The following TP53BP2 variants were observed in gnomAD, a reference collection of about 807,000 sequenced individuals.
TP53BP2 encodes the protein apoptosis-stimulating of p53 protein 2.
TP53BP2 carries 62 observed loss-of-function variants against 126.2 expected under a neutral mutation model. The ratio of observed to expected loss-of-function variants is 0.49; its 90% CI spans 0.40 to 0.61. TP53BP2 has a LOEUF of 0.61. TP53BP2 is among the 20% of genes least tolerant of loss of function. The pLI is 0.00. For missense variants in TP53BP2, 1,215 were observed against 1,402.8 expected, an observed-to-expected ratio of 0.87 and a Z score of 2.14; for synonymous variants, 485 against 502.9, an observed-to-expected ratio of 0.96 and a Z score of 0.48.
rs926485381 is a variant in TP53BP2 at position 223,802,524 on chromosome 1, A to G, written c.997-180T>C. The G allele has an allele frequency of 4.7e-6, 4 of 850,094 alleles. No homozygotes were observed. The East Asian group carries it at 7.9e-5, about 17-fold the overall frequency. 52.7% of individuals were successfully genotyped at this position (850,094 alleles called of 1,614,324 possible). Reference sequence around the variant, plus strand: ...AATGAACTCTCACCCACACTTTATTACAAGTATTAGAGACAAACAGAGCTA... The same window carrying G: ...AATGAACTCTCACCCACACTTTATTGCAAGTATTAGAGACAAACAGAGCTA... On this transcript the variant is annotated intron_variant, in intron 8 of 17. Coordinates refer to ENST00000343537, the MANE Select transcript of TP53BP2 (RefSeq NM_001031685.3).
At chr1:223,805,895 GCAGC>G (rs1322206307) in intron 5 of TP53BP2, among the ~76,000 whole-genome samples, 1 of 152,170 alleles carries the variant, frequency 6.6e-6, no homozygotes, top group Non-Finnish European at 1.5e-5. Context: ...TGCAACAGAG[GCAGC>G]AAAGTTTGCA....
chr1:223,792,870 A>C (rs1350730043), intron 14 of TP53BP2, among the ~76,000 whole-genome samples: 1 of 151,942 alleles, frequency 6.6e-6, no homozygotes, highest in African/African-American at 2.4e-5. Flanking sequence ...AAGCAAAAAA[A>C]AAAAAAGGTC....
Position 223,796,423 on chromosome 1 carries a change from T to G in TP53BP2, c.2116A>C (p.Thr706Pro). 1 of 1,614,178 alleles carries G rather than the reference T, an allele frequency of 6.2e-7. No individual in the cohort carries two copies. Among genetic ancestry groups the G allele is most frequent in the Non-Finnish European group, 8.5e-7 (1 of 1,180,016 alleles). The part of the protein sequence containing the change: ...NERIPRPLSP[T>P]KLLPFLSNPY... Reference sequence around the variant, plus strand: ...TTAGATAAGAAAGGCAGTAATTTAGTTGGGCTGAGTGGCCGAGGAATTCTT... The same window carrying G: ...TTAGATAAGAAAGGCAGTAATTTAGGTGGGCTGAGTGGCCGAGGAATTCTT... Residue 706 changes from threonine (T) to proline (P), a missense_variant, in exon 13 of 18, where the codon ACT (threonine) becomes CCT (proline). Thr to Pro is a conservative substitution (Grantham distance 38). Around this residue, in one of 4 missense-constraint regions of TP53BP2, gnomAD observed 46 missense variants for 93.0 expected, o/e 0.49. Transcript: ENST00000343537. This position sits in a 1 kb window ranked among gnomAD's most constrained non-coding sequence, Gnocchi z 4.2.
At chr1:223,815,008 A>G (rs796649164) in intron 2 of TP53BP2, among the ~76,000 whole-genome samples, 23 of 152,334 alleles carry the variant, frequency 1.5e-4, no homozygotes, top group African/African-American at 4.6e-4. Flanking sequence ...GAGAAACAAT[A>G]TATCTCAAGC....
intron 13 of TP53BP2, among the ~76,000 whole-genome samples, chr1:223,794,334 G>T (rs560979422): frequency 6.6e-5 from 10 of 152,130 alleles, no homozygotes; most frequent in African/African-American, 2.4e-4. Context: ...AACATTAAGC[G>T]ACAATACATT....
intron 4 of TP53BP2, 100 bp downstream of exon 4, chr1:223,810,331 C>A: frequency 1.2e-6 from 1 of 854,280 alleles, no homozygotes. Flanking sequence ...AAGCGGCCAT[C>A]CTTAGCCCAT....
rs775049205 is a variant in TP53BP2, at chr1:223,802,855, T to A, written c.872A>T (p.Gln291Leu). 6.2e-7 allele frequency: 1 copy of A among 1,614,236 alleles called. No individual in the cohort carries two copies. The highest frequency in any genetic ancestry group is 2.2e-5 in the East Asian group (1 of 44,890). ...CTTATTCAAACACTCCCTCTGTTGT[T>A]GTAGCTTGGCATTCTGCTCTTGATT... is the stretch of plus-strand genomic sequence containing the variant. ...KLNQEQNAKL[Q>L]QQRECLNKRN... The change falls in exon 8 of 18, where the codon CAA becomes CTA. Residue 291 changes from glutamine to leucine, a missense_variant. By Grantham distance (113) the Gln-to-Leu change is moderately radical (BLOSUM62 -2). Coordinates refer to ENST00000343537, the MANE Select transcript of TP53BP2 (RefSeq NM_001031685.3).
At chr1:223,800,546 T>C (rs1662493504) in intron 10 of TP53BP2, among the ~76,000 whole-genome samples, 154 bp downstream of exon 10, 1 of 152,008 alleles carries the variant, frequency 6.6e-6, no homozygotes, top group African/African-American at 2.4e-5. Flanking sequence ...AGCGCACCAC[T>C]GCACTCCAGC....
At chr1:223,833,397 T>A (rs2102885935) in intron 1 of TP53BP2, among the ~76,000 whole-genome samples, 1 of 152,304 alleles carries the variant, frequency 6.6e-6, no homozygotes, top group Middle Eastern at 3.4e-3. Flanking sequence ...TAACGTGAAG[T>A]CTCAATATCA....
At chr1:223,835,149 C>T (rs1394071622) in intron 1 of TP53BP2, among the ~76,000 whole-genome samples, 1 of 152,190 alleles carries the variant, frequency 6.6e-6, no homozygotes, top group Non-Finnish European at 1.5e-5. Context: ...ATGTTCACAT[C>T]CTGAAGCATC....
Position 223,808,206 on chromosome 1 carries a change from C to A in TP53BP2, c.373-1259G>T, listed in dbSNP as rs115973510. On this transcript the variant is annotated intron_variant, in intron 4 of 17. Coordinates refer to ENST00000343537, the MANE Select transcript of TP53BP2 (RefSeq NM_001031685.3). ...ATCTTTCCAATAAATACTGCTTATACAATTAGATATTCATATTACAAAGAT... is the reference window on the plus strand; with the variant it reads ...ATCTTTCCAATAAATACTGCTTATAAAATTAGATATTCATATTACAAAGAT... 4.9e-3 allele frequency among the ~76,000 whole-genome samples: 742 copies of A among 152,252 alleles called. 10 individuals carry two copies. Among genetic ancestry groups the A allele is most frequent in the African/African-American group, 0.017 (711 of 41,548 alleles).
At chr1:223,823,473 A>G (rs1436018360) in intron 1 of TP53BP2, among the ~76,000 whole-genome samples, 1 of 152,258 alleles carries the variant, frequency 6.6e-6, no homozygotes. Context: ...AGAAAAATTA[A>G]AATAGTGAAC....
chr1:223,800,540 C>T (rs1051614659), intron 10 of TP53BP2, among the ~76,000 whole-genome samples, 160 bp downstream of exon 10: 6 of 151,968 alleles, frequency 3.9e-5, no homozygotes, highest in Non-Finnish European at 5.9e-5. Flanking sequence ...GCCATGAGCG[C>T]ACCACTGCAC....
chr1:223,793,062 T>C (rs1013246961), intron 14 of TP53BP2, among the ~76,000 whole-genome samples: 1 of 152,170 alleles, frequency 6.6e-6, no homozygotes, highest in African/African-American at 2.4e-5. Flanking sequence ...GACAATTCCA[T>C]AGTCATACCT....
At chr1:223,783,808 G>A (rs979584562) in intron 17 of TP53BP2, among the ~76,000 whole-genome samples, 7 of 152,264 alleles carry the variant, frequency 4.6e-5, no homozygotes, top group Middle Eastern at 3.4e-3. Context: ...TGCAAATCCT[G>A]ATTTAGACAG....
chr1:223,812,094 G>GA (rs1662926950), intron 3 of TP53BP2, among the ~76,000 whole-genome samples: 2 of 151,678 alleles, frequency 1.3e-5, no homozygotes, highest in Non-Finnish European at 2.9e-5. Flanking sequence ...AAAGCCTACG[G>GA]AAAAAAATAC....
Position 223,830,439 on chromosome 1 carries a change from T to C in TP53BP2, c.28-9072A>G, listed in dbSNP as rs1047799284. Among the ~76,000 whole-genome samples, 21 of 151,988 alleles carry C rather than the reference T, an allele frequency of 1.4e-4. 1 individual carries two copies. The highest frequency in any genetic ancestry group is 5.2e-4 in the Admixed American group (8 of 15,266). ...ACTCAAAGATACGATGGTAGTACTA[T>C]AAATTATTAAAAATCCTACTTAGAA... On this transcript the variant is annotated intron_variant, in intron 1 of 17. Coordinates refer to ENST00000343537, the MANE Select transcript of TP53BP2 (RefSeq NM_001031685.3).
At position 223,795,996 on chromosome 1, in the gene TP53BP2, G is replaced by C. The variant is rs925148150; in HGVS notation, c.2543C>G (p.Pro848Arg). 1 of 1,613,940 alleles carries C rather than the reference G, an allele frequency of 6.2e-7. No homozygotes were observed. Among genetic ancestry groups the C allele is most frequent in the Non-Finnish European group, 8.5e-7 (1 of 1,180,000 alleles). Residue 848 changes from proline to arginine, a missense_variant, in exon 13 of 18, where the codon CCA becomes CGA. By Grantham distance (103) the Pro-to-Arg change is moderately radical. This residue lies in a region of TP53BP2 where 204 missense variants were observed against 225.7 expected (regional missense o/e 0.90). Coordinates refer to ENST00000343537, the MANE Select transcript of TP53BP2 (RefSeq NM_001031685.3). ...TTCTTCTGGGTTATTCTGGAGATTTGGGCTGTTGTCTGGGACTCCCTCAGG... is the reference window on the plus strand; with the variant it reads ...TTCTTCTGGGTTATTCTGGAGATTTCGGCTGTTGTCTGGGACTCCCTCAGG... ...YEPEGVPDNSPNLQNNPEEPN... is the reference protein window; with the variant it reads ...YEPEGVPDNSRNLQNNPEEPN...
rs145602904 is a variant in TP53BP2, at chr1:223,786,916, G to C, written c.3163+2092C>G. On this transcript the variant is annotated intron_variant, in intron 16 of 17. Transcript: ENST00000343537. ...CCACCGCGCCCGGCTTTTTTTGTGA[G>C]ACAAAGTTTCACTCTTGTTGCCCAG... is the stretch of plus-strand genomic sequence containing the variant. 1.7e-3 allele frequency among the ~76,000 whole-genome samples: 248 copies of C among 146,974 alleles called. 2 individuals carry two copies. Among genetic ancestry groups the C allele is most frequent in the African/African-American group, 5.1e-3 (204 of 39,668 alleles).
Sources: allele counts gnomAD v4.1 joint callset (sites outside exome capture counted in the v4.1 genomes callset), GRCh38; gene constraint gnomAD v4.1.1; regional missense constraint gnomAD v4.1.1; non-coding constraint Gnocchi (gnomAD v3.1); transcripts MANE v1.5; gene names NCBI Gene and HGNC (gene_info 2026-07-23, HGNC 2026-07-21).